Variants in SOX5 observed in about 807,000 individuals in gnomAD.
The protein encoded by SOX5 is transcription factor SOX-5.
In SOX5, 9 loss-of-function variants were observed where a neutral mutation model predicts 92.0. The ratio of observed to expected loss-of-function variants is 0.10; its 90% confidence interval spans 0.06 to 0.17. SOX5 has a LOEUF of 0.17. SOX5 is among the 10% of genes least tolerant of loss of function. The pLI is 1.00. For synonymous variants in SOX5, 344 were observed against 336.3 expected (o/e 1.02, Z -0.25); for missense variants, 642 against 944.5 (o/e 0.68, Z 4.20).
rs148273225 is a variant in SOX5 at position 24,393,469 on chromosome 12, T to C, written c.-250-24830A>G. On this transcript the variant is annotated intron_variant, in intron 1 of 4. Coordinates refer to the SOX5 transcript ENST00000446891. This position sits in a 1 kb window ranked among gnomAD's most constrained non-coding sequence, Gnocchi z 5.0. Reference sequence around the variant, plus strand: ...GCTTGGAGGATAATCAGCTTTAGGGTCATCTGTACTGAGTCTACCACCCAC... The same window carrying C: ...GCTTGGAGGATAATCAGCTTTAGGGCCATCTGTACTGAGTCTACCACCCAC... Among the ~76,000 whole-genome samples, 1,930 of 152,224 alleles carry C rather than the reference T, an allele frequency of 0.013. 26 individuals carry two copies. The highest frequency in any genetic ancestry group is 0.037 in the Middle Eastern group (11 of 294).
chr12:23,670,876 T>C (rs2084669550), intron 6 of SOX5, among the ~76,000 whole-genome samples: 1 of 152,078 alleles, frequency 6.6e-6, no homozygotes, highest in Admixed American at 6.6e-5. Context: ...AATTGTAATA[T>C]TATCAGATCT....
rs183750106 is a variant in SOX5 at position 23,648,687 on chromosome 12, T to A, written c.932-7790A>T. On this transcript the variant is annotated intron_variant, in intron 7 of 14. Transcript: ENST00000451604. The stretch of plus-strand genomic sequence containing the variant: ...CCTGCTGACACTCTGATCTCAGCTA[T>A]ACAGCATACAGAGCTGTGAAAAAAT... Among the ~76,000 whole-genome samples, 166 of 152,240 alleles carry A rather than the reference T, an allele frequency of 1.1e-3. 1 individual carries two copies. The Middle Eastern group carries it at 0.014, about 12-fold the overall frequency.
chr12:23,539,562 T>A (rs1303975480), intron 13 of SOX5, among the ~76,000 whole-genome samples: 2 of 142,326 alleles, frequency 1.4e-5, no homozygotes, highest in African/African-American at 5.3e-5. Flanking sequence ...GGTCTTTCGG[T>A]GGAAAGAGGA....
intron 3 of SOX5, among the ~76,000 whole-genome samples, chr12:24,224,068 T>C (rs1289579460): frequency 6.6e-6 from 1 of 152,208 alleles, no homozygotes; most frequent in African/African-American, 2.4e-5. Context: ...TGGCTTCGCA[T>C]TGTTGTTTCG....
intron 2 of SOX5, among the ~76,000 whole-genome samples, chr12:24,293,753 C>A (rs1946878221): frequency 6.6e-6 from 1 of 152,144 alleles, no homozygotes; most frequent in Admixed American, 6.5e-5. Context: ...GGACCGATCT[C>A]ACCATCTTGC....
intron 4 of SOX5, among the ~76,000 whole-genome samples, chr12:24,070,070 G>A (rs1220980009): frequency 2.6e-5 from 4 of 152,090 alleles, no homozygotes; most frequent in South Asian, 2.1e-4. Context: ...CACACAGCCC[G>A]TCTTTGTCCT....
chr12:24,247,945 C>T (rs1420682182), intron 3 of SOX5, among the ~76,000 whole-genome samples: 1 of 152,090 alleles, frequency 6.6e-6, no homozygotes, highest in East Asian at 1.9e-4. Context: ...TGAGCCACGG[C>T]ACCCAGCCAG....
rs773819995 is a variant in SOX5, at chr12:23,870,180, G to A, written c.271-23987C>T. ...AGTACTGAAGTGAGAGCTAAATATAGGTGATCAGAAAAAGACTAGGGAAGG... is the reference window on the plus strand; with the variant it reads ...AGTACTGAAGTGAGAGCTAAATATAAGTGATCAGAAAAAGACTAGGGAAGG... On this transcript the variant is annotated intron_variant, in intron 2 of 14. Transcript: ENST00000451604. Among the ~76,000 whole-genome samples, 141 of 151,790 alleles carry A rather than the reference G, an allele frequency of 9.3e-4. 13 individuals carry two copies. Among genetic ancestry groups the A allele is most frequent in the Non-Finnish European group, 1.0e-4 (7 of 67,904 alleles).
rs1476042648 is a variant in SOX5, at chr12:24,059,441, G to C, written c.-2+153902C>G. 7.2e-5 allele frequency among the ~76,000 whole-genome samples: 11 copies of C among 152,120 alleles called. No homozygotes were observed. In the South Asian group the frequency reaches 1.7e-3, roughly 23 times the overall value. ...CAATTTGGAAAACTCTACTTGCCTA[G>C]TCCAAGGTTTGGTTTTTTTAATGAA... On this transcript the variant is annotated intron_variant, in intron 4 of 4. Transcript: ENST00000446891.
intron 2 of SOX5, among the ~76,000 whole-genome samples, chr12:24,328,722 T>C (rs1429856791): frequency 6.6e-6 from 1 of 152,202 alleles, no homozygotes; most frequent in African/African-American, 2.4e-5. Flanking sequence ...ATAAAACAAC[T>C]TTTGGAGGTG....
chr12:23,600,550 TATACAC>T lies in SOX5; in HGVS notation c.1164+3831_1164+3836del, dbSNP rs1025073505. Among the ~76,000 whole-genome samples, 125 of 126,826 alleles carry T rather than the reference TATACAC, an allele frequency of 9.9e-4. 5 individuals carry two copies. In the South Asian group the frequency reaches 0.015, roughly 15 times the overall value. The allele number at this position is 126,826 out of a possible 152,430, so 83.2% of individuals were successfully genotyped here. A position where few individuals can be genotyped will look rare whatever the true frequency, so the allele number is the denominator to read the frequency against. The stretch of plus-strand genomic sequence containing the variant: ...ATATATATATATATATATATATATA[TATACAC>T]ATACTTGGCTTGGGACTAAAAAAAC... On this transcript the variant is annotated intron_variant, in intron 9 of 14. Coordinates refer to ENST00000451604, the MANE Select transcript of SOX5 (RefSeq NM_006940.6).
At chr12:23,579,246 C>T (rs1949714374) in intron 9 of SOX5, among the ~76,000 whole-genome samples, 1 of 152,158 alleles carries the variant, frequency 6.6e-6, no homozygotes, top group South Asian at 2.1e-4. Flanking sequence ...CAAGGCAGCA[C>T]AGATGTCTGA....
chr12:23,810,499 T>C (rs1244961761), intron 3 of SOX5, among the ~76,000 whole-genome samples: 1 of 152,166 alleles, frequency 6.6e-6, no homozygotes, highest in African/African-American at 2.4e-5. Context: ...ACAGCTGAGC[T>C]GACAGGATTA....
At chr12:24,141,760 G>A (rs1950607496) in intron 4 of SOX5, among the ~76,000 whole-genome samples, 1 of 152,166 alleles carries the variant, frequency 6.6e-6, no homozygotes, top group African/African-American at 2.4e-5. Context: ...TAGTAACAAT[G>A]TAAACAGGTG....
intron 1 of SOX5, 91 bp downstream of exon 1, chr12:23,949,473 G>T: frequency 6.7e-7 from 1 of 1,503,666 alleles, no homozygotes; most frequent in Non-Finnish European, 9.3e-7. Flanking sequence ...TAACAAACAC[G>T]TTTTGGGGGA....
At chr12:23,891,853 G>A (rs1237530380) in intron 2 of SOX5, among the ~76,000 whole-genome samples, 1 of 152,026 alleles carries the variant, frequency 6.6e-6, no homozygotes, top group African/African-American at 2.4e-5. Flanking sequence ...TTAATAATTT[G>A]AATATATCAT....
chr12:23,772,597 A>G (rs988111078), intron 3 of SOX5, among the ~76,000 whole-genome samples: 3 of 152,228 alleles, frequency 2.0e-5, no homozygotes, highest in African/African-American at 7.2e-5. Context: ...TAAGTGCTTT[A>G]CATATGTTTA....
chr12:24,231,383 A>G, intron 3 of SOX5, among the ~76,000 whole-genome samples: 1 of 152,320 alleles, frequency 6.6e-6, no homozygotes, highest in Non-Finnish European at 1.5e-5. Flanking sequence ...ATCTAATATG[A>G]ACGGTTTAGA....
At position 24,386,275 on chromosome 12, in the gene SOX5, G is replaced by T. The variant is rs575457213; in HGVS notation, c.-250-17636C>A. Among the ~76,000 whole-genome samples the T allele has an allele frequency of 8.5e-5, 13 of 152,152 alleles. No homozygotes were observed. In the South Asian group the frequency reaches 2.5e-3, roughly 29 times the overall value. On this transcript the variant is annotated intron_variant, in intron 1 of 4. Coordinates refer to the SOX5 transcript ENST00000446891. The stretch of plus-strand genomic sequence containing the variant: ...AGTAAATTAACTTTGATAATTGCCT[G>T]CTACTTTACAATCATTATCATCACG...
Sources: allele counts gnomAD v4.1 joint callset (sites outside exome capture counted in the v4.1 genomes callset), GRCh38; gene constraint gnomAD v4.1.1; non-coding constraint Gnocchi (gnomAD v3.1); transcripts MANE v1.5; gene names NCBI Gene and HGNC (gene_info 2026-07-23, HGNC 2026-07-21).